Variants in MND1 observed in about 807,000 individuals in gnomAD.
MND1 encodes meiotic nuclear divisions 1.
MND1 carries 28 observed loss-of-function variants against 35.1 expected under a neutral mutation model. The ratio of observed to expected loss-of-function variants is 0.80; its 90% CI spans 0.59 to 1.09. The LOEUF is 1.09. Ranked by LOEUF, MND1 falls within the 50% of genes least tolerant of loss-of-function variation. The pLI is 0.00. For synonymous variants in MND1, 69 were observed against 70.5 expected, an observed-to-expected ratio of 0.98 and a Z score of 0.11; for missense variants, 213 against 239.6, an observed-to-expected ratio of 0.89 and a Z score of 0.73.
chr4:153,345,615 C>A, intron 1 of MND1: 1 of 833,102 alleles, frequency 1.2e-6, no homozygotes, highest in Non-Finnish European at 1.4e-6. Context: ...GAATCAACAT[C>A]TGGTTAAATG....
chr4:153,408,940 A>G lies in MND1; in HGVS notation c.467-31A>G, dbSNP rs758768557. ...TATATATATATATATATATAAATAC[A>G]TTTCATTTTATATATATAATTTTTT... On this transcript the variant is annotated intron_variant, in intron 6 of 7. Coordinates refer to ENST00000240488, the MANE Select transcript of MND1 (RefSeq NM_032117.4). 4 of 884,016 alleles carry G rather than the reference A, an allele frequency of 4.5e-6. No individual in the cohort carries two copies. The South Asian group carries it at 1.4e-4, about 30-fold the overall frequency. The allele number at this position is 884,016 out of a possible 1,614,324, so 54.8% of individuals were successfully genotyped here. A position where few individuals can be genotyped will look rare whatever the true frequency, so the allele number is the denominator to read the frequency against.
chr4:153,396,724 T>C (rs1579946518), intron 5 of MND1, among the ~76,000 whole-genome samples: 1 of 152,166 alleles, frequency 6.6e-6, no homozygotes, highest in African/African-American at 2.4e-5. Flanking sequence ...CAAACTACAA[T>C]TGTATTATTT....
intron 4 of MND1, among the ~76,000 whole-genome samples, chr4:153,363,490 G>C (rs181980621): frequency 6.6e-4 from 101 of 152,294 alleles, no homozygotes; most frequent in African/African-American, 2.4e-3. Flanking sequence ...AGGATTACAG[G>C]CATGAGCCAT....
intron 4 of MND1, among the ~76,000 whole-genome samples, chr4:153,371,105 T>C (rs913603970): frequency 1.3e-5 from 2 of 152,096 alleles, no homozygotes; most frequent in South Asian, 2.1e-4. Flanking sequence ...GAAATCTTTT[T>C]TCTGAGCAGC....
Position 153,383,518 on chromosome 4 carries a change from C to T in MND1, c.277-10744C>T, listed in dbSNP as rs370579735. ...TACTTGTTAAGTGTATTTCCTGTCT[C>T]GTTTACCTCCTCTCTCTTTCTCTCC... On this transcript the variant is annotated intron_variant, in intron 4 of 7. Transcript: ENST00000240488. Among the ~76,000 whole-genome samples, 16 of 152,288 alleles carry T rather than the reference C, an allele frequency of 1.1e-4. No homozygotes were observed. The East Asian group carries it at 2.1e-3, about 20-fold the overall frequency.
chr4:153,377,954 A>G (rs1728557921), intron 4 of MND1, among the ~76,000 whole-genome samples: 2 of 151,914 alleles, frequency 1.3e-5, no homozygotes, highest in African/African-American at 4.8e-5. Flanking sequence ...ACTGTCTTTT[A>G]TATATATCTT....
chr4:153,399,949 T>C (rs1473495332), intron 6 of MND1, among the ~76,000 whole-genome samples: 2 of 126,206 alleles, frequency 1.6e-5, no homozygotes, highest in Admixed American at 1.1e-4. Flanking sequence ...TCTCCCAGAC[T>C]GAAGTGCAGT....
At chr4:153,404,544 G>A (rs368201331) in intron 6 of MND1, among the ~76,000 whole-genome samples, 9 of 138,284 alleles carry the variant, frequency 6.5e-5, no homozygotes, top group Non-Finnish European at 9.4e-5. Context: ...GTGCGATCTC[G>A]GCTCACTACA....
At chr4:153,398,395 G>C (rs1161876356) in intron 6 of MND1, among the ~76,000 whole-genome samples, 1 of 152,218 alleles carries the variant, frequency 6.6e-6, no homozygotes, top group African/African-American at 2.4e-5. Context: ...AAATTAACCT[G>C]AGGATAGTTT....
At chr4:153,375,977 G>A (rs1026933506) in intron 4 of MND1, among the ~76,000 whole-genome samples, 3 of 152,132 alleles carry the variant, frequency 2.0e-5, no homozygotes, top group African/African-American at 7.2e-5. Flanking sequence ...AAAGCTTTAT[G>A]TGGAAGTGAT....
chr4:153,408,141 A>T (rs1299293613), intron 6 of MND1, among the ~76,000 whole-genome samples: 1 of 152,136 alleles, frequency 6.6e-6, no homozygotes, highest in Admixed American at 6.6e-5. Context: ...ATGGTGGCGC[A>T]TGCGTGTAGT....
intron 4 of MND1, among the ~76,000 whole-genome samples, chr4:153,376,986 A>G (rs1728528510): frequency 6.6e-6 from 1 of 152,226 alleles, no homozygotes; most frequent in African/African-American, 2.4e-5. Context: ...AATTTTATTA[A>G]TATGGCAGCA....
At chr4:153,412,142 TTTGA>T (rs1197585557) in intron 7 of MND1, among the ~76,000 whole-genome samples, 6 of 152,222 alleles carry the variant, frequency 3.9e-5, no homozygotes, top group Admixed American at 1.3e-4. Context: ...TCCATAACAC[TTTGA>T]TTGAAAGAAG....
chr4:153,392,049 A>G (rs1033096798), intron 4 of MND1, among the ~76,000 whole-genome samples: 26 of 152,094 alleles, frequency 1.7e-4, no homozygotes, highest in Non-Finnish European at 2.9e-4. Flanking sequence ...CTCTTTACAT[A>G]TAACTAGATC....
intron 4 of MND1, among the ~76,000 whole-genome samples, chr4:153,364,536 AT>A (rs1314590420): frequency 8.6e-5 from 13 of 151,360 alleles, no homozygotes; most frequent in Middle Eastern, 6.8e-3. Flanking sequence ...AAAAAAATCC[AT>A]TTTTGGTACA....
chr4:153,349,369 A>T, intron 1 of MND1, among the ~76,000 whole-genome samples: 1 of 152,018 alleles, frequency 6.6e-6, no homozygotes, highest in East Asian at 1.9e-4. Flanking sequence ...CGAAAATGCA[A>T]CTCTAATCTT....
At chr4:153,386,401 G>A (rs1310454923) in intron 4 of MND1, among the ~76,000 whole-genome samples, 1 of 151,996 alleles carries the variant, frequency 6.6e-6, no homozygotes, top group African/African-American at 2.4e-5. Context: ...GGAGGCTGGA[G>A]CAGGAGGATC....
chr4:153,397,250 C>T lies in MND1; in HGVS notation c.383C>T (p.Ser128Phe). The change falls in exon 6 of 8, where the codon TCT (serine) becomes TTT (phenylalanine). Residue 128 changes from serine to phenylalanine, a missense_variant. Transcript: ENST00000240488. ...EERTRLAKEL[S>F]SLRDQREQLK... is the part of the protein sequence containing the mutation. The stretch of plus-strand genomic sequence containing the variant: ...CGAACCAGGCTAGCAAAAGAGCTTT[C>T]TTCACTTCGAGACCAAAGGGAACAG... The T allele has an allele frequency of 6.2e-7, 1 of 1,612,548 alleles. No individual in the cohort carries two copies. The highest frequency in any genetic ancestry group is 8.5e-7 in the Non-Finnish European group (1 of 1,179,192).
chr4:153,361,083 C>T (rs143839347), intron 4 of MND1, among the ~76,000 whole-genome samples: 113 of 152,292 alleles, frequency 7.4e-4, no homozygotes, highest in African/African-American at 2.6e-3. Context: ...AAGTGATCCA[C>T]CTACCTCAGC....
Sources: allele counts gnomAD v4.1 joint callset (sites outside exome capture counted in the v4.1 genomes callset), GRCh38; gene constraint gnomAD v4.1.1; transcripts MANE v1.5; gene names NCBI Gene and HGNC (gene_info 2026-07-23, HGNC 2026-07-21).